Variants in FHIT observed in about 807,000 individuals in gnomAD.
FHIT encodes bis(5'-adenosyl)-triphosphatase.
A neutral mutation model predicts 17.9 loss-of-function variants in FHIT; 19 were observed. The ratio of observed to expected loss-of-function variants is 1.06; its 90% confidence interval spans 0.74 to 1.56. The LOEUF (loss-of-function observed/expected upper bound fraction) is 1.56, where lower values mean the gene tolerates loss of function less well. Among genes scored for constraint, FHIT ranks in the 40% most tolerant of loss-of-function variants. FHIT has a pLI of 0.00. For missense variants in FHIT, 248 were observed against 189.2 expected (o/e 1.31, Z -1.82); for synonymous variants, 81 against 69.7 (o/e 1.16, Z -0.81).
intron 8 of FHIT, among the ~76,000 whole-genome samples, chr3:59,773,803 C>T (rs1356284063): frequency 2.0e-5 from 3 of 152,134 alleles, no homozygotes; most frequent in Non-Finnish European, 4.4e-5. Context: ...AAAGCTGCCT[C>T]GCCCAGGACC....
chr3:59,984,086 T>A (rs1708777603), intron 7 of FHIT, among the ~76,000 whole-genome samples: 2 of 152,236 alleles, frequency 1.3e-5, no homozygotes, highest in African/African-American at 4.8e-5. Context: ...ATCCCTAATA[T>A]TCCAAGGTGA....
At chr3:60,354,757 C>A (rs1218024087) in intron 5 of FHIT, among the ~76,000 whole-genome samples, 2 of 152,154 alleles carry the variant, frequency 1.3e-5, no homozygotes, top group Non-Finnish European at 2.9e-5. Flanking sequence ...ATGGCTGATT[C>A]TGCTTAACTC....
chr3:60,488,281 T>G (rs1349766276), intron 5 of FHIT, among the ~76,000 whole-genome samples: 1 of 152,210 alleles, frequency 6.6e-6, no homozygotes, highest in Non-Finnish European at 1.5e-5. Flanking sequence ...ATGTTCCTAG[T>G]GTGTTCCAGG....
chr3:60,425,273 G>C (rs1298573624), intron 5 of FHIT, among the ~76,000 whole-genome samples: 2 of 152,134 alleles, frequency 1.3e-5, no homozygotes, highest in African/African-American at 2.4e-5. Context: ...GGCACTAATA[G>C]AGAAGCAATG....
intron 3 of FHIT, among the ~76,000 whole-genome samples, chr3:60,883,299 CA>C (rs1553758413): frequency 1.3e-5 from 2 of 152,034 alleles, no homozygotes; most frequent in Non-Finnish European, 2.9e-5. Flanking sequence ...CTACCAAAAA[CA>C]ATTTACAGAT....
intron 3 of FHIT, among the ~76,000 whole-genome samples, chr3:60,972,198 C>G (rs1710052285): frequency 1.3e-5 from 2 of 152,146 alleles, no homozygotes; most frequent in African/African-American, 4.8e-5. Flanking sequence ...TCATGCCCTC[C>G]TTCATTTACA....
At chr3:59,923,078 T>C (rs935737968) in intron 7 of FHIT, among the ~76,000 whole-genome samples, 2 of 151,476 alleles carry the variant, frequency 1.3e-5, no homozygotes, top group Non-Finnish European at 2.9e-5. Flanking sequence ...GCCAACACGG[T>C]GAAACTCCGT....
At position 60,255,759 on chromosome 3, in the gene FHIT, A is replaced by G. The variant is rs139895922; in HGVS notation, c.104-241607T>C. Among the ~76,000 whole-genome samples, 98 of 152,262 alleles carry G rather than the reference A, an allele frequency of 6.4e-4. 1 individual carries two copies. Among genetic ancestry groups the G allele is most frequent in the African/African-American group, 2.3e-3 (97 of 41,554 alleles). The stretch of plus-strand genomic sequence containing the variant: ...AGTCTGCAGCCTTAGATGGATATCT[A>G]TAACTGGTGTTCATGGACCTGGGAG... On this transcript the variant is annotated intron_variant, in intron 5 of 9. Transcript: ENST00000492590.
intron 5 of FHIT, among the ~76,000 whole-genome samples, chr3:60,341,702 A>T (rs530224760): frequency 1.8e-4 from 28 of 152,128 alleles, no homozygotes; most frequent in African/African-American, 6.7e-4. Context: ...TCTTTCCCAA[A>T]TTCTACACTT....
intron 1 of FHIT, among the ~76,000 whole-genome samples, chr3:61,212,187 G>C (rs1372997913): frequency 6.6e-6 from 1 of 152,230 alleles, no homozygotes; most frequent in African/African-American, 2.4e-5. Flanking sequence ...GAAGGCTTCA[G>C]ACGATCAAAC....
chr3:60,746,399 G>A (rs2042357306), intron 4 of FHIT, among the ~76,000 whole-genome samples: 1 of 152,212 alleles, frequency 6.6e-6, no homozygotes, highest in Admixed American at 6.5e-5. Context: ...GAAAGGATGA[G>A]TTTCTGAGGT....
At chr3:59,915,387 AAACAAC>A (rs1705084719) in intron 8 of FHIT, among the ~76,000 whole-genome samples, 1 of 152,210 alleles carries the variant, frequency 6.6e-6, no homozygotes, top group South Asian at 2.1e-4. Context: ...GAACGTATTC[AAACAAC>A]ATAGGAGAGC....
chr3:60,169,699 G>A (rs1034170605), intron 5 of FHIT, among the ~76,000 whole-genome samples: 5 of 152,130 alleles, frequency 3.3e-5, no homozygotes, highest in Non-Finnish European at 7.3e-5. Flanking sequence ...CACATCTTCA[G>A]GAGACAAAAA....
chr3:59,864,604 C>T (rs574916055), intron 8 of FHIT, among the ~76,000 whole-genome samples: 2 of 151,650 alleles, frequency 1.3e-5, no homozygotes, highest in South Asian at 2.1e-4. Context: ...TAGTATACAA[C>T]CCGCAGCCCT....
intron 8 of FHIT, among the ~76,000 whole-genome samples, chr3:59,887,355 T>C (rs1365825351): frequency 6.6e-6 from 1 of 152,152 alleles, no homozygotes; most frequent in East Asian, 1.9e-4. Flanking sequence ...AATTCCACAT[T>C]TGTGGTGAGG....
chr3:59,985,808 T>C lies in FHIT; in HGVS notation c.279+25563A>G, dbSNP rs1050040971. The stretch of plus-strand genomic sequence containing the variant: ...TTTCACACTGAGCCTAGGCTGAACC[T>C]TAGAATCCGTCACAGCGCAGGTGTC... On this transcript the variant is annotated intron_variant, in intron 7 of 9. Transcript: ENST00000492590. 3.3e-5 allele frequency among the ~76,000 whole-genome samples: 5 copies of C among 152,104 alleles called. No homozygotes were observed. In the East Asian group the frequency reaches 7.7e-4, roughly 23 times the overall value.
intron 5 of FHIT, among the ~76,000 whole-genome samples, chr3:60,308,064 G>A (rs1708765148): frequency 6.6e-6 from 1 of 152,078 alleles, no homozygotes. Flanking sequence ...GAAAACAACG[G>A]ACAGTAATCG....
chr3:60,290,693 A>C (rs1707943011), intron 5 of FHIT, among the ~76,000 whole-genome samples: 1 of 152,196 alleles, frequency 6.6e-6, no homozygotes, highest in Non-Finnish European at 1.5e-5. Context: ...CATTCACTGC[A>C]TTACACTGTG....
At chr3:60,260,463 T>C (rs1706234663) in intron 5 of FHIT, among the ~76,000 whole-genome samples, 1 of 152,078 alleles carries the variant, frequency 6.6e-6, no homozygotes, top group African/African-American at 2.4e-5. Context: ...TTCACTATTG[T>C]TTAGAAGTTT....
Sources: gnomAD v4.1 joint callset for allele counts (sites outside exome capture counted in the v4.1 genomes callset) on GRCh38, gnomAD v4.1.1 for gene constraint, MANE v1.5 for transcripts, NCBI Gene and HGNC (gene_info 2026-07-23, HGNC 2026-07-21) for gene names.